The following NBEA variants were observed in gnomAD, a reference collection of about 807,000 sequenced individuals.
NBEA encodes lysosomal-trafficking regulator 2.
In NBEA, 44 loss-of-function variants were observed where a neutral mutation model predicts 343.4. The ratio of observed to expected loss-of-function variants is 0.13; its 90% CI spans 0.10 to 0.16. The LOEUF (loss-of-function observed/expected upper bound fraction) is 0.16. Ranked by LOEUF, NBEA falls within the 10% of genes least tolerant of loss-of-function variation. The pLI, the probability that NBEA is intolerant of heterozygous loss-of-function variation, is 1.00. For missense variants in NBEA, 2,555 were observed against 3,631.3 expected (o/e 0.70, Z 7.62); for synonymous variants, 1,175 against 1,238.7 (o/e 0.95, Z 1.08).
At chr13:35,233,351 G>A (rs997508780) in intron 34 of NBEA, among the ~76,000 whole-genome samples, 1 of 152,076 alleles carries the variant, frequency 6.6e-6, no homozygotes, top group Non-Finnish European at 1.5e-5. Context: ...GTAGAAGAAA[G>A]AGAGTTTTCC....
At chr13:35,593,850 T>C (rs138750976) in intron 47 of NBEA, among the ~76,000 whole-genome samples, 1 of 152,166 alleles carries the variant, frequency 6.6e-6, no homozygotes, top group African/African-American at 2.4e-5. Context: ...GGGCAATTAA[T>C]AAAGCATTAA....
intron 38 of NBEA, among the ~76,000 whole-genome samples, chr13:35,404,556 G>T (rs540178531): frequency 7.2e-6 from 1 of 139,132 alleles, no homozygotes; most frequent in South Asian, 2.3e-4. Flanking sequence ...TGAACAATGA[G>T]AACACATGGA....
intron 55 of NBEA, among the ~76,000 whole-genome samples, chr13:35,658,998 G>T (rs145668407): frequency 6.6e-6 from 1 of 152,174 alleles, no homozygotes; most frequent in Non-Finnish European, 1.5e-5. Flanking sequence ...ATGTGAAAGA[G>T]ATTTTCTTCT....
intron 1 of NBEA, among the ~76,000 whole-genome samples, chr13:34,998,990 C>A (rs1031908617): frequency 6.6e-6 from 1 of 152,104 alleles, no homozygotes; most frequent in African/African-American, 2.4e-5. Context: ...ATTTGGGGAA[C>A]TACTAAGTGT....
At chr13:34,963,887 A>G (rs2059739779) in intron 1 of NBEA, among the ~76,000 whole-genome samples, 1 of 151,730 alleles carries the variant, frequency 6.6e-6, no homozygotes, top group Admixed American at 6.6e-5. Context: ...TTTCTTTATT[A>G]ATATCAATAA....
Position 35,041,256 on chromosome 13 carries a change from G to A in NBEA, c.526+92G>A, listed in dbSNP as rs561376754. The A allele has an allele frequency of 3.9e-6, 4 of 1,026,406 alleles. No homozygotes were observed. In the African/African-American group the frequency reaches 6.5e-5, roughly 17 times the overall value. 63.6% of individuals were successfully genotyped at this position (1,026,406 alleles called of 1,614,324 possible). On this transcript the variant is annotated intron_variant, in intron 2 of 58. Coordinates refer to ENST00000379939, the MANE Select transcript of NBEA (RefSeq NM_001385012.1). ...ATTCTATAGGTAATGTAGATTTGTT[G>A]ACATTACTTTGATTTAAAATAAATG...
Position 35,228,613 on chromosome 13 carries a change from C to T in NBEA, c.5649-3879C>T, listed in dbSNP as rs77044438. On this transcript the variant is annotated intron_variant, in intron 33 of 58. Coordinates refer to ENST00000379939, the MANE Select transcript of NBEA (RefSeq NM_001385012.1). ...ATGTCCATGTGTATACATCATTTAG[C>T]GCCCACTTATAAGTGAGAACATGTG... Among the ~76,000 whole-genome samples the T allele has an allele frequency of 4.6e-3, 705 of 152,130 alleles. 3 individuals carry two copies. Among genetic ancestry groups the T allele is most frequent in the African/African-American group, 0.016 (676 of 41,526 alleles).
In NBEA at chr13:35,561,120, G is replaced by A. The variant is rs565236730; in HGVS notation, c.6923-5785G>A. Among the ~76,000 whole-genome samples, 8 of 152,108 alleles carry A rather than the reference G, an allele frequency of 5.3e-5. No homozygotes were observed. The East Asian group carries it at 1.5e-3, about 29-fold the overall frequency. On this transcript the variant is annotated intron_variant, in intron 44 of 58. Coordinates refer to ENST00000379939, the MANE Select transcript of NBEA (RefSeq NM_001385012.1). ...AAATAATTTTATTAATCTTCATATAGCACCGTCAGTATCACACATGATGAC... is the reference window on the plus strand; with the variant it reads ...AAATAATTTTATTAATCTTCATATAACACCGTCAGTATCACACATGATGAC...
chr13:35,387,004 G>A (rs1182056957), intron 38 of NBEA, among the ~76,000 whole-genome samples: 1 of 152,080 alleles, frequency 6.6e-6, no homozygotes, highest in African/African-American at 2.4e-5. Context: ...TTTTTTCACT[G>A]AAGTAGTGAT....
intron 34 of NBEA, among the ~76,000 whole-genome samples, chr13:35,285,429 C>A (rs1594077943): frequency 6.6e-6 from 1 of 152,100 alleles, no homozygotes; most frequent in African/African-American, 2.4e-5. Context: ...ATAGTCATGT[C>A]TATTTGATAG....
intron 33 of NBEA, among the ~76,000 whole-genome samples, chr13:35,212,108 C>T (rs1390583632): frequency 6.6e-6 from 1 of 151,994 alleles, no homozygotes; most frequent in Non-Finnish European, 1.5e-5. Flanking sequence ...CACTCATCAT[C>T]AACAAAGTCA....
At chr13:35,291,712 T>C (rs975160779) in intron 35 of NBEA, among the ~76,000 whole-genome samples, 1 of 151,972 alleles carries the variant, frequency 6.6e-6, no homozygotes, top group Non-Finnish European at 1.5e-5. Flanking sequence ...TAAAGAGGAA[T>C]GTAGCATTAA....
At chr13:35,258,028 C>T (rs2032817452) in intron 34 of NBEA, among the ~76,000 whole-genome samples, 1 of 152,022 alleles carries the variant, frequency 6.6e-6, no homozygotes, top group Admixed American at 6.5e-5. Flanking sequence ...ATGAACTTTA[C>T]ATATAATACA....
chr13:35,558,562 G>GT (rs2079696581), intron 44 of NBEA, among the ~76,000 whole-genome samples: 1 of 152,090 alleles, frequency 6.6e-6, no homozygotes, highest in African/African-American at 2.4e-5. Flanking sequence ...ATACAAAAAA[G>GT]TTTCACTGTC....
chr13:35,494,229 A>C (rs1485985425), intron 41 of NBEA, among the ~76,000 whole-genome samples: 4 of 151,984 alleles, frequency 2.6e-5, no homozygotes, highest in Non-Finnish European at 5.9e-5. Context: ...ATTGTTGAGG[A>C]ATTACAGAGA....
intron 47 of NBEA, among the ~76,000 whole-genome samples, chr13:35,604,558 C>A (rs2082202337): frequency 6.7e-6 from 1 of 149,596 alleles, no homozygotes; most frequent in Non-Finnish European, 1.5e-5. Context: ...ATTCTCCAAT[C>A]TCTCCTTTAC....
rs147275154 is a variant in NBEA, at chr13:35,661,261, T to C, written c.8363-3824T>C. Among the ~76,000 whole-genome samples the C allele has an allele frequency of 5.3e-4, 80 of 152,304 alleles. 1 individual carries two copies. In the East Asian group the frequency reaches 0.015, roughly 29 times the overall value. On this transcript the variant is annotated intron_variant, in intron 55 of 58. Coordinates refer to ENST00000379939, the MANE Select transcript of NBEA (RefSeq NM_001385012.1). ...TTCCTGAGGAAGGGGAGGTGGATGA[T>C]ACTATTAGTTGTTTTTAGGTGAGCG...
intron 40 of NBEA, among the ~76,000 whole-genome samples, chr13:35,454,734 C>T (rs954400268): frequency 2.0e-5 from 3 of 152,096 alleles, no homozygotes; most frequent in Admixed American, 1.3e-4. Context: ...GTGGCGGGCA[C>T]CTGTAGTCCC....
chr13:35,452,037 C>G (rs901293328), intron 39 of NBEA, 55 bp from the exon 40 acceptor site: 1 of 1,278,454 alleles, frequency 7.8e-7, no homozygotes, highest in Admixed American at 2.0e-5. Context: ...ATAATACCTA[C>G]TATAAGCAGA....
Sources: allele counts gnomAD v4.1 joint callset (sites outside exome capture counted in the v4.1 genomes callset), GRCh38; gene constraint gnomAD v4.1.1; transcripts MANE v1.5; gene names NCBI Gene and HGNC (gene_info 2026-07-23, HGNC 2026-07-21).